The following DLGAP2 variants were observed in gnomAD, a reference collection of about 807,000 sequenced individuals.
DLGAP2 encodes disks large-associated protein 2.
Under a neutral mutation model 100.3 loss-of-function variants are expected in DLGAP2, and 26 were observed. That is an observed-to-expected ratio of 0.26 (90% CI 0.19 to 0.36). The LOEUF (loss-of-function observed/expected upper bound fraction) is 0.36. Ranked by LOEUF, DLGAP2 falls within the 10% of genes least tolerant of loss-of-function variation. DLGAP2 has a pLI of 1.00. For missense variants in DLGAP2, 1,858 were observed against 1,453.2 expected (o/e 1.28, Z -4.53); for synonymous variants, 886 against 630.1 (o/e 1.41, Z -6.08).
intron 2 of DLGAP2, among the ~76,000 whole-genome samples, chr8:1,246,040 T>C (rs1383647559): frequency 1.3e-5 from 2 of 152,238 alleles, no homozygotes; most frequent in South Asian, 4.1e-4. Context: ...TATTTGTTCC[T>C]GCTATTTATG....
rs142708926 is a variant in DLGAP2 at position 1,431,441 on chromosome 8, C to T, written c.107-69925C>T. On this transcript the variant is annotated intron_variant, in intron 3 of 14. Transcript: ENST00000637795. ...TGTCAAGCTCAGTTCCGTTGGCTGACCAGGTAGACTCTACCCGTGGGCAAA... is the reference window on the plus strand; with the variant it reads ...TGTCAAGCTCAGTTCCGTTGGCTGATCAGGTAGACTCTACCCGTGGGCAAA... Among the ~76,000 whole-genome samples, 774 of 152,312 alleles carry T rather than the reference C, an allele frequency of 5.1e-3. 4 individuals carry two copies. The highest frequency in any genetic ancestry group is 0.017 in the Middle Eastern group (5 of 294).
intron 2 of DLGAP2, among the ~76,000 whole-genome samples, chr8:954,730 G>A (rs981751863): frequency 1.3e-5 from 2 of 152,158 alleles, no homozygotes; most frequent in Non-Finnish European, 2.9e-5. Flanking sequence ...GGACTAATTA[G>A]TTGAAAATGC....
rs1190298463 is a variant in DLGAP2 at position 946,771 on chromosome 8, G to C, written c.73+38805G>C. On this transcript the variant is annotated intron_variant, in intron 2 of 14. Transcript: ENST00000637795. Reference sequence around the variant, plus strand: ...GTCTTGAGAATTCTCTATGAACTCTGTGGACTGCAGAGCCCTTCTCATTAC... The same window carrying C: ...GTCTTGAGAATTCTCTATGAACTCTCTGGACTGCAGAGCCCTTCTCATTAC... Among the ~76,000 whole-genome samples, 3 of 152,214 alleles carry C rather than the reference G, an allele frequency of 2.0e-5. No homozygotes were observed. In the East Asian group the frequency reaches 5.8e-4, roughly 29 times the overall value.
chr8:1,379,844 TCCC>T (rs1796050155), intron 3 of DLGAP2: 3 of 84,860 alleles, frequency 3.5e-5, no homozygotes, highest in African/African-American at 1.1e-4. Flanking sequence ...CTCCCTTCCC[TCCC>T]CTCCTGCTCG....
At chr8:1,534,424 A>G (rs1402191280) in intron 4 of DLGAP2, among the ~76,000 whole-genome samples, 1 of 152,234 alleles carries the variant, frequency 6.6e-6, no homozygotes, top group East Asian at 1.9e-4. Context: ...TATTTTGCCT[A>G]TAAATAAGAT....
At chr8:1,548,456 CAG>C (rs1801621744) in intron 4 of DLGAP2, among the ~76,000 whole-genome samples, 168 bp from the exon 5 acceptor site, 1 of 41,054 alleles carries the variant, frequency 2.4e-5, no homozygotes, top group Non-Finnish European at 4.9e-5. Context: ...GAGACTGTCT[CAG>C]AAAAAAAAAA....
intron 2 of DLGAP2, among the ~76,000 whole-genome samples, chr8:1,179,684 A>T (rs188771603): frequency 1.3e-5 from 2 of 152,374 alleles, no homozygotes; most frequent in East Asian, 3.9e-4. Context: ...ACATATATTA[A>T]GCGACCCTGG....
intron 2 of DLGAP2, among the ~76,000 whole-genome samples, chr8:1,049,159 T>G (rs982911314): frequency 5.9e-5 from 9 of 152,232 alleles, no homozygotes; most frequent in African/African-American, 2.2e-4. Context: ...GACTGGTGTC[T>G]CTGAGCCTCG....
At position 973,915 on chromosome 8, in the gene DLGAP2, G is replaced by A. The variant is rs545975875; in HGVS notation, c.73+65949G>A. Among the ~76,000 whole-genome samples the A allele has an allele frequency of 5.5e-4, 81 of 148,536 alleles. 1 individual carries two copies. Among genetic ancestry groups the A allele is most frequent in the Non-Finnish European group, 8.8e-4 (59 of 67,150 alleles). On this transcript the variant is annotated intron_variant, in intron 2 of 14. Transcript: ENST00000637795. ...CGCCACCGCCGCCACCGCCACCGCC[G>A]CCACCCCGGCTGGAGAGCGCTGGGC...
chr8:1,465,488 A>C lies in DLGAP2; in HGVS notation c.107-35878A>C, dbSNP rs1332930740. On this transcript the variant is annotated intron_variant, in intron 3 of 14. Transcript: ENST00000637795. ...CTAGAGTGGCTCCCAGAACTCTGGG[A>C]AGCACCCATGTTTGGTGGTTTATTA... 3.3e-5 allele frequency among the ~76,000 whole-genome samples: 5 copies of C among 152,130 alleles called. No homozygotes were observed. The South Asian group carries it at 1.0e-3, about 32-fold the overall frequency.
rs113312554 is a variant in DLGAP2 at position 1,080,796 on chromosome 8, A to G, written c.73+172830A>G. Among the ~76,000 whole-genome samples the G allele has an allele frequency of 2.0e-3, 301 of 152,314 alleles. 2 individuals are homozygous for G. The highest frequency in any genetic ancestry group is 5.5e-3 in the African/African-American group (230 of 41,568). ...TTAAATCCTTAAGTGTTGAAATTAT[A>G]CTAGGTCAGATCCACTCACTCAGCG... On this transcript the variant is annotated intron_variant, in intron 2 of 14. Coordinates refer to ENST00000637795, the MANE Select transcript of DLGAP2 (RefSeq NM_001346810.2).
intron 13 of DLGAP2, among the ~76,000 whole-genome samples, chr8:1,692,502 A>T (rs1056967062): frequency 3.3e-5 from 5 of 152,092 alleles, no homozygotes; most frequent in African/African-American, 1.2e-4. Context: ...GGGAGGCTGC[A>T]AGGGGGAGTG....
At chr8:1,624,747 C>G (rs1303609428) in intron 6 of DLGAP2, among the ~76,000 whole-genome samples, 1 of 151,864 alleles carries the variant, frequency 6.6e-6, no homozygotes, top group East Asian at 1.9e-4. Flanking sequence ...GTCCCACTGC[C>G]CAGGTGCAGC....
chr8:1,175,204 A>G (rs1282879577), intron 2 of DLGAP2, among the ~76,000 whole-genome samples: 1 of 152,102 alleles, frequency 6.6e-6, no homozygotes, highest in Non-Finnish European at 1.5e-5. Context: ...CTAACTAGTA[A>G]CCCGCAGTGA....
At chr8:1,019,089 G>C (rs548941631) in intron 2 of DLGAP2, 1 of 152,274 alleles carries the variant, frequency 6.6e-6, no homozygotes, top group East Asian at 1.9e-4. Context: ...CTGTATCTCT[G>C]GTCATGCACC....
intron 1 of DLGAP2, among the ~76,000 whole-genome samples, chr8:816,376 G>T (rs1796481673): frequency 6.6e-6 from 1 of 151,478 alleles, no homozygotes; most frequent in African/African-American, 2.4e-5. Context: ...TTTGTTTCAA[G>T]ATTTAGAGCT....
intron 1 of DLGAP2, among the ~76,000 whole-genome samples, chr8:805,254 G>A (rs983543658): frequency 6.6e-6 from 1 of 152,180 alleles, no homozygotes; most frequent in Non-Finnish European, 1.5e-5. Context: ...ACTTCTTCCT[G>A]TTCCCAACTC....
intron 3 of DLGAP2, among the ~76,000 whole-genome samples, chr8:1,443,072 A>G (rs1047395276): frequency 2.0e-5 from 3 of 152,244 alleles, no homozygotes; most frequent in African/African-American, 4.8e-5. Context: ...CCTTAGTTAC[A>G]TTATCATTTT....
intron 6 of DLGAP2, among the ~76,000 whole-genome samples, chr8:1,577,523 G>A (rs546991905): frequency 4.2e-5 from 6 of 142,028 alleles, no homozygotes; most frequent in East Asian, 2.0e-4. Context: ...AGCCAAGATC[G>A]TGCCATTGCC....
Sources: gnomAD v4.1 joint callset for allele counts (sites outside exome capture counted in the v4.1 genomes callset) on GRCh38, gnomAD v4.1.1 for gene constraint, MANE v1.5 for transcripts, NCBI Gene and HGNC (gene_info 2026-07-23, HGNC 2026-07-21) for gene names.